The following TPD52L1 variants were observed in gnomAD, a reference collection of about 807,000 sequenced individuals.
The protein encoded by TPD52L1 is TPD52 like 1, also known as tumor protein D53.
In TPD52L1, 18 loss-of-function variants were observed where a neutral mutation model predicts 28.7. That is an observed-to-expected ratio of 0.63 (90% CI 0.43 to 0.93). The LOEUF (loss-of-function observed/expected upper bound fraction) is 0.93, where lower values mean the gene tolerates loss of function less well. Among genes scored for constraint, TPD52L1 ranks in the 40% least tolerant of loss-of-function variants. The pLI is 0.00. For synonymous variants in TPD52L1, 75 were observed against 88.8 expected, an observed-to-expected ratio of 0.84 and a Z score of 0.88; for missense variants, 203 against 254.8, an observed-to-expected ratio of 0.80 and a Z score of 1.39.
chr6:125,185,104 G>A (rs2114835799), intron 1 of TPD52L1, among the ~76,000 whole-genome samples: 1 of 152,268 alleles, frequency 6.6e-6, no homozygotes, highest in Non-Finnish European at 1.5e-5. Flanking sequence ...GTAGAAAGAG[G>A]AGCAATTTGT....
rs182888037 is a variant in TPD52L1 at position 125,260,542 on chromosome 6, C to T, written c.487-2292C>T. On this transcript the variant is annotated intron_variant, in intron 6 of 6. Coordinates refer to ENST00000534000, the MANE Select transcript of TPD52L1 (RefSeq NM_003287.4). ...AGCCTTGGCCAGGCCTGGTGGCTCA[C>T]GCCTGTAATCCCAGCACTTTGGGAG... Among the ~76,000 whole-genome samples the T allele has an allele frequency of 2.8e-3, 433 of 152,290 alleles. 1 individual carries two copies. Among genetic ancestry groups the T allele is most frequent in the Middle Eastern group, 0.014 (4 of 294 alleles).
At chr6:125,231,968 C>T (rs1795979233) in intron 3 of TPD52L1, among the ~76,000 whole-genome samples, 2 of 152,130 alleles carry the variant, frequency 1.3e-5, no homozygotes, top group Non-Finnish European at 2.9e-5. Context: ...TGATTATTTG[C>T]TGCTGTGAGA....
At chr6:125,191,480 A>T (rs931705392) in intron 1 of TPD52L1, among the ~76,000 whole-genome samples, 4 of 152,222 alleles carry the variant, frequency 2.6e-5, no homozygotes, top group African/African-American at 9.6e-5. Context: ...TGTGTTTAAA[A>T]TTGGGTGAAT....
intron 5 of TPD52L1, 139 bp from the exon 6 acceptor site, chr6:125,256,959 C>T (rs1797643135): frequency 9.7e-6 from 6 of 621,106 alleles, no homozygotes; most frequent in East Asian, 2.8e-5. Flanking sequence ...CATTTTAAAA[C>T]GTGGTTGGTG....
intron 1 of TPD52L1, among the ~76,000 whole-genome samples, chr6:125,217,473 C>T (rs1794961563): frequency 6.6e-6 from 1 of 152,138 alleles, no homozygotes; most frequent in South Asian, 2.1e-4. Flanking sequence ...CTCGCATGTG[C>T]AGTTCACAAT....
chr6:125,208,449 G>T (rs1351593811), intron 1 of TPD52L1, among the ~76,000 whole-genome samples: 2 of 152,164 alleles, frequency 1.3e-5, no homozygotes, highest in Non-Finnish European at 2.9e-5. Flanking sequence ...CTATAAGAAG[G>T]ATGGATAGTT....
intron 1 of TPD52L1, among the ~76,000 whole-genome samples, chr6:125,173,537 G>C (rs1363377667): frequency 6.6e-6 from 1 of 152,152 alleles, no homozygotes; most frequent in Non-Finnish European, 1.5e-5. Flanking sequence ...CAGGTCCTCT[G>C]TTTGCTCACC....
At chr6:125,230,158 T>C (rs1033156624) in intron 3 of TPD52L1, among the ~76,000 whole-genome samples, 4 of 152,218 alleles carry the variant, frequency 2.6e-5, no homozygotes, top group Admixed American at 2.6e-4. Context: ...AGGTACAGAA[T>C]AATCTCAGTT....
intron 1 of TPD52L1, among the ~76,000 whole-genome samples, chr6:125,196,784 T>C (rs758856396): frequency 3.3e-5 from 5 of 152,216 alleles, no homozygotes; most frequent in Non-Finnish European, 7.3e-5. Context: ...AAGTATGACA[T>C]GCTGTCACCC....
chr6:125,200,318 G>T (rs1038446204), intron 1 of TPD52L1, among the ~76,000 whole-genome samples: 2 of 152,122 alleles, frequency 1.3e-5, no homozygotes, highest in African/African-American at 4.8e-5. Context: ...ACAGATTTTC[G>T]TAGGTATTTT....
chr6:125,199,076 A>G (rs1030957155), intron 1 of TPD52L1, among the ~76,000 whole-genome samples: 16 of 152,244 alleles, frequency 1.1e-4, no homozygotes, highest in African/African-American at 3.9e-4. Flanking sequence ...AAGCCTATCA[A>G]ATCTAAACCT....
At chr6:125,202,891 G>C (rs1371385595) in intron 1 of TPD52L1, among the ~76,000 whole-genome samples, 1 of 150,364 alleles carries the variant, frequency 6.7e-6, no homozygotes, top group African/African-American at 2.5e-5. Context: ...TCAGCTTCCT[G>C]AGTAGCTGGG....
At chr6:125,163,407 C>A (rs1790653100) in intron 1 of TPD52L1, among the ~76,000 whole-genome samples, 1 of 151,538 alleles carries the variant, frequency 6.6e-6, no homozygotes, top group African/African-American at 2.4e-5. Context: ...CATAGCAAAA[C>A]CCTGCTTCTA....
chr6:125,250,266 T>C (rs1201579800), intron 4 of TPD52L1, among the ~76,000 whole-genome samples: 2 of 152,206 alleles, frequency 1.3e-5, no homozygotes, highest in Admixed American at 1.3e-4. Flanking sequence ...TTGTTTAGAA[T>C]ACATATTCTT....
intron 1 of TPD52L1, among the ~76,000 whole-genome samples, chr6:125,205,517 C>T (rs141521519): frequency 6.6e-6 from 1 of 152,306 alleles, no homozygotes; most frequent in East Asian, 1.9e-4. Context: ...GCAGCCAGTT[C>T]AGGCTCTCTG....
intron 1 of TPD52L1, among the ~76,000 whole-genome samples, chr6:125,215,495 G>C (rs1313359398): frequency 6.6e-6 from 1 of 152,180 alleles, no homozygotes; most frequent in Non-Finnish European, 1.5e-5. Flanking sequence ...TATGTGCCTA[G>C]GTAGAGAAAG....
chr6:125,226,875 TATGAC>T (rs971634043), intron 2 of TPD52L1, among the ~76,000 whole-genome samples: 11 of 152,046 alleles, frequency 7.2e-5, no homozygotes, highest in Admixed American at 1.3e-4. Flanking sequence ...AAAAGAGAAA[TATGAC>T]ATGATAACAA....
intron 3 of TPD52L1, among the ~76,000 whole-genome samples, chr6:125,230,069 G>A (rs1376442161): frequency 6.6e-6 from 1 of 152,092 alleles, no homozygotes; most frequent in Non-Finnish European, 1.5e-5. Flanking sequence ...CCTGGCGACA[G>A]AGGGAGACTC....
chr6:125,228,950 A>T, intron 2 of TPD52L1, 168 bp from the exon 3 acceptor site: 1 of 478,918 alleles, frequency 2.1e-6, no homozygotes, highest in Non-Finnish European at 3.6e-6. Flanking sequence ...TTCTGTTTCT[A>T]CTTTGAGATA....
Sources: allele counts gnomAD v4.1 joint callset (sites outside exome capture counted in the v4.1 genomes callset), GRCh38; gene constraint gnomAD v4.1.1; transcripts MANE v1.5; gene names NCBI Gene and HGNC (gene_info 2026-07-23, HGNC 2026-07-21).